Variants in CDC42SE2 observed in about 807,000 individuals in gnomAD.
CDC42SE2 encodes CDC42 small effector 2.
A neutral mutation model predicts 11.5 loss-of-function variants in CDC42SE2; 3 were observed. The observed-to-expected ratio is 0.26, with a 90% CI of 0.12 to 0.67. CDC42SE2 has a LOEUF of 0.67. Ranked by LOEUF, CDC42SE2 falls within the 30% of genes least tolerant of loss-of-function variation. The pLI is 0.80. For synonymous variants in CDC42SE2, 33 were observed against 34.8 expected (o/e 0.95, Z 0.18); for missense variants, 82 against 106.8 (o/e 0.77, Z 1.02).
intron 1 of CDC42SE2, among the ~76,000 whole-genome samples, chr5:131,276,424 G>T (rs995972841): frequency 4.0e-5 from 6 of 151,840 alleles, no homozygotes; most frequent in Non-Finnish European, 8.8e-5. Context: ...AGTCTACCCT[G>T]GGTGACAGAA....
chr5:131,234,551 G>A, the CDC42SE2 span, among the ~76,000 whole-genome samples: 1 of 151,690 alleles, frequency 6.6e-6, no homozygotes, highest in African/African-American at 2.4e-5. Context: ...CAGGAGAATT[G>A]CTTGAACCTG....
At chr5:131,332,816 T>TTTG (rs1758454054) in intron 2 of CDC42SE2, among the ~76,000 whole-genome samples, 1 of 152,168 alleles carries the variant, frequency 6.6e-6, no homozygotes, top group African/African-American at 2.4e-5. Flanking sequence ...GATGGGGTTG[T>TTTG]TTGTTTTTTT....
intron 1 of CDC42SE2, among the ~76,000 whole-genome samples, chr5:131,269,809 C>G (rs1008063493): frequency 6.6e-6 from 1 of 152,070 alleles, no homozygotes; most frequent in South Asian, 2.1e-4. Context: ...GCCTGTAATC[C>G]TAGCACTTTG....
the CDC42SE2 span, among the ~76,000 whole-genome samples, chr5:131,211,890 G>A: frequency 6.6e-6 from 1 of 151,164 alleles, no homozygotes; most frequent in African/African-American, 2.5e-5. Flanking sequence ...GGCTGAGGTG[G>A]GAGGATCATT....
chr5:131,284,672 C>T (rs1264902391), intron 1 of CDC42SE2, among the ~76,000 whole-genome samples: 2 of 151,998 alleles, frequency 1.3e-5, no homozygotes, highest in East Asian at 3.9e-4. Flanking sequence ...TAGGGTCTTG[C>T]TCTGTTGCCC....
chr5:131,280,868 T>C (rs1757224224), intron 1 of CDC42SE2, among the ~76,000 whole-genome samples: 1 of 152,218 alleles, frequency 6.6e-6, no homozygotes, highest in Non-Finnish European at 1.5e-5. Flanking sequence ...CTACCCTTTT[T>C]ATGTGTGAGA....
intron 3 of CDC42SE2, among the ~76,000 whole-genome samples, chr5:131,371,447 ACTTT>A (rs1429877904): frequency 2.0e-4 from 30 of 151,954 alleles, no homozygotes; most frequent in African/African-American, 7.0e-4. Flanking sequence ...TGTCTATTGA[ACTTT>A]CTTATAGTTT....
rs1200223565 is a variant in CDC42SE2 at position 131,393,861 on chromosome 5, C to T, written c.*2770C>T. ...TTTTTTTTGCTGCTCCAACGACCAGCATGTGTTGGAGCAGATCTCCATGGT... is the reference window on the plus strand; with the variant it reads ...TTTTTTTTGCTGCTCCAACGACCAGTATGTGTTGGAGCAGATCTCCATGGT... On this transcript the variant is annotated 3_prime_UTR_variant, in exon 5 of 5. Coordinates refer to ENST00000505065, the MANE Select transcript of CDC42SE2 (RefSeq NM_001375635.1). 1 of 132,084 alleles carries T rather than the reference C, an allele frequency of 7.6e-6. No individual in the cohort carries two copies. The highest frequency in any genetic ancestry group is 1.5e-5 in the Non-Finnish European group (1 of 65,322). 8.2% of individuals were successfully genotyped at this position (132,084 alleles called of 1,614,324 possible).
At chr5:131,286,309 C>T (rs1580731868) in intron 1 of CDC42SE2, among the ~76,000 whole-genome samples, 1 of 151,352 alleles carries the variant, frequency 6.6e-6, no homozygotes, top group African/African-American at 2.4e-5. Context: ...GTCTTGAACT[C>T]CTGGGCTTAA....
chr5:131,276,728 AT>A (rs71000985), intron 1 of CDC42SE2, among the ~76,000 whole-genome samples: 90,933 of 126,634 alleles, frequency 0.72, 31,832 homozygotes, highest in Middle Eastern at 0.78. Flanking sequence ...GACCATTAGA[AT>A]TTTTTTTTTT....
At chr5:131,218,598 C>T in the CDC42SE2 span, among the ~76,000 whole-genome samples, 1 of 150,056 alleles carries the variant, frequency 6.7e-6, no homozygotes, top group Non-Finnish European at 1.5e-5. Context: ...TTTGTATTAG[C>T]CCAAACGAAA....
At chr5:131,345,440 G>A (rs1390121150) in intron 2 of CDC42SE2, among the ~76,000 whole-genome samples, 1 of 152,050 alleles carries the variant, frequency 6.6e-6, no homozygotes, top group Middle Eastern at 3.2e-3. Context: ...GAAGTGAGAA[G>A]TTTAGAGAAA....
At chr5:131,321,596 A>G (rs999403838) in intron 2 of CDC42SE2, among the ~76,000 whole-genome samples, 1 of 152,214 alleles carries the variant, frequency 6.6e-6, no homozygotes, top group Non-Finnish European at 1.5e-5. Context: ...AAGAATATAC[A>G]TATATGCTGG....
chr5:131,243,511 G>A (rs550090910), upstream of CDC42SE2, among the ~76,000 whole-genome samples: 11 of 152,290 alleles, frequency 7.2e-5, no homozygotes, highest in African/African-American at 1.9e-4. Context: ...GCATGAACCC[G>A]GAAGGTGGAG....
chr5:131,363,622 C>T (rs1029092354), intron 3 of CDC42SE2, among the ~76,000 whole-genome samples: 15 of 151,902 alleles, frequency 9.9e-5, no homozygotes, highest in African/African-American at 3.6e-4. Context: ...AGTGATCCAC[C>T]CTCCTCGACC....
At chr5:131,272,376 A>G (rs1757011437) in intron 1 of CDC42SE2, among the ~76,000 whole-genome samples, 1 of 152,022 alleles carries the variant, frequency 6.6e-6, no homozygotes, top group African/African-American at 2.4e-5. Flanking sequence ...GATTACTTTT[A>G]ATACCTCTCG....
the CDC42SE2 span, among the ~76,000 whole-genome samples, chr5:131,225,291 A>C: frequency 1.3e-5 from 2 of 152,200 alleles, no homozygotes; most frequent in Non-Finnish European, 2.9e-5. Context: ...AGAGCTTTCA[A>C]ACTAACGGGA....
In CDC42SE2 at chr5:131,394,629, G is replaced by GAAAGT. The variant is rs1438187179; in HGVS notation, c.*3540_*3544dup. On this transcript the variant is annotated 3_prime_UTR_variant, in exon 5 of 5. Transcript: ENST00000505065. ...TGTGTTGGCTTGTAGATACTAAAAAGAAAGTATTGATTTTGATTCAATAAA... is the reference window on the plus strand; with the variant it reads ...TGTGTTGGCTTGTAGATACTAAAAAGAAAGTAAAGTATTGATTTTGATTCAATAAA... 1.3e-5 allele frequency: 2 copies of GAAAGT among 152,226 alleles called. No individual in the cohort carries two copies. Among genetic ancestry groups the GAAAGT allele is most frequent in the African/African-American group, 4.8e-5 (2 of 41,420 alleles). 9.4% of individuals were successfully genotyped at this position (152,226 alleles called of 1,614,324 possible).
intron 1 of CDC42SE2, chr5:131,245,614 T>A (rs1158419573): frequency 6.6e-6 from 1 of 152,238 alleles, no homozygotes; most frequent in Non-Finnish European, 1.5e-5. Flanking sequence ...GTAATTAATG[T>A]TATTCTCATA....
Sources: allele counts gnomAD v4.1 joint callset (sites outside exome capture counted in the v4.1 genomes callset), GRCh38; gene constraint gnomAD v4.1.1; transcripts MANE v1.5; gene names NCBI Gene and HGNC (gene_info 2026-07-23, HGNC 2026-07-21).